DCC: variants seen among roughly 807,000 people sequenced by gnomAD.
DCC encodes netrin receptor DCC.
In DCC, 58 loss-of-function variants were observed where a neutral mutation model predicts 172.5. The observed-to-expected ratio is 0.34, with a 90% CI of 0.27 to 0.42. The LOEUF (loss-of-function observed/expected upper bound fraction) is 0.42, where lower values mean the gene tolerates loss of function less well. Among genes scored for constraint, DCC ranks in the 10% least tolerant of loss-of-function variants. The pLI, the probability that DCC is intolerant of heterozygous loss-of-function variation, is 1.00. For synonymous variants in DCC, 709 were observed against 644.5 expected (o/e 1.10, Z -1.52); for missense variants, 1,740 against 1,791.0 (o/e 0.97, Z 0.51).
At chr18:53,066,550 C>T (rs2042573691) in intron 7 of DCC, among the ~76,000 whole-genome samples, 1 of 150,066 alleles carries the variant, frequency 6.7e-6, no homozygotes, top group Non-Finnish European at 1.5e-5. Context: ...GCCTTTCTTC[C>T]CAGCATTCCA....
At chr18:53,104,990 T>C (rs1290555085) in intron 7 of DCC, among the ~76,000 whole-genome samples, 2 of 152,078 alleles carry the variant, frequency 1.3e-5, no homozygotes, top group African/African-American at 4.8e-5. Flanking sequence ...TGTGATTATG[T>C]AAATGCATTC....
chr18:53,426,799 G>T (rs2145090898), intron 21 of DCC, among the ~76,000 whole-genome samples: 1 of 152,204 alleles, frequency 6.6e-6, no homozygotes, highest in Non-Finnish European at 1.5e-5. Context: ...TTGAGTGGAT[G>T]GATGAAGCAC....
chr18:52,374,040 C>A (rs1281295633), intron 1 of DCC, among the ~76,000 whole-genome samples: 1 of 151,820 alleles, frequency 6.6e-6, no homozygotes, highest in South Asian at 2.1e-4. Flanking sequence ...TACAGGCGCC[C>A]GCCACCACGC....
chr18:52,600,358 T>C (rs1420549147), intron 1 of DCC, among the ~76,000 whole-genome samples: 1 of 152,252 alleles, frequency 6.6e-6, no homozygotes, highest in Non-Finnish European at 1.5e-5. Flanking sequence ...TCCTATTGCA[T>C]TGGTCATTTG....
intron 8 of DCC, among the ~76,000 whole-genome samples, chr18:53,171,305 G>A (rs1252708397): frequency 2.0e-5 from 3 of 152,262 alleles, no homozygotes; most frequent in African/African-American, 7.2e-5. Flanking sequence ...CCACATTGTG[G>A]AAACCAGTGA....
intron 25 of DCC, among the ~76,000 whole-genome samples, chr18:53,476,753 T>G (rs2045767926): frequency 6.6e-6 from 1 of 152,190 alleles, no homozygotes; most frequent in South Asian, 2.1e-4. Context: ...ATAGGGCACA[T>G]TCTCATAATG....
chr18:52,835,026 T>C (rs1403057144), intron 2 of DCC, among the ~76,000 whole-genome samples: 1 of 152,204 alleles, frequency 6.6e-6, no homozygotes, highest in Non-Finnish European at 1.5e-5. Flanking sequence ...ATTTGCATTT[T>C]CTTAAATGTC....
At chr18:53,063,696 C>A in intron 6 of DCC, 1 of 461,700 alleles carries the variant, frequency 2.2e-6, no homozygotes, top group South Asian at 2.3e-5. Context: ...AACATACAAA[C>A]AAACAAAAAT....
At chr18:53,080,092 A>G (rs2144132094) in intron 7 of DCC, among the ~76,000 whole-genome samples, 1 of 152,216 alleles carries the variant, frequency 6.6e-6, no homozygotes, top group Non-Finnish European at 1.5e-5. Context: ...AACTAGTTGG[A>G]AAGCTGTATC....
intron 5 of DCC, among the ~76,000 whole-genome samples, chr18:53,014,004 T>C (rs184923931): frequency 7.5e-4 from 114 of 152,306 alleles, no homozygotes; most frequent in African/African-American, 2.6e-3. Context: ...GCAATATTAA[T>C]GAAATGGATA....
chr18:53,469,315 A>T (rs1464345439), intron 25 of DCC, among the ~76,000 whole-genome samples: 1 of 152,228 alleles, frequency 6.6e-6, no homozygotes, highest in African/African-American at 2.4e-5. Context: ...GGAGAAAAAC[A>T]TATAGCCTGC....
intron 1 of DCC, among the ~76,000 whole-genome samples, chr18:52,365,166 T>C (rs1439705625): frequency 6.6e-6 from 1 of 152,206 alleles, no homozygotes; most frequent in Non-Finnish European, 1.5e-5. Flanking sequence ...AGAAGATTAA[T>C]GAGATGATGA....
At chr18:52,832,613 T>G (rs1393047971) in intron 2 of DCC, among the ~76,000 whole-genome samples, 1 of 152,152 alleles carries the variant, frequency 6.6e-6, no homozygotes, top group Non-Finnish European at 1.5e-5. Flanking sequence ...ATATTAAGTT[T>G]GGTAGACTCT....
At chr18:52,787,993 A>G (rs2037690491) in intron 2 of DCC, among the ~76,000 whole-genome samples, 1 of 152,136 alleles carries the variant, frequency 6.6e-6, no homozygotes, top group Non-Finnish European at 1.5e-5. Context: ...GCCTTTTATA[A>G]CTGCTTTTGC....
chr18:53,200,708 TC>T (rs750290876), intron 9 of DCC, among the ~76,000 whole-genome samples: 2 of 152,172 alleles, frequency 1.3e-5, no homozygotes, highest in Non-Finnish European at 2.9e-5. Flanking sequence ...TGTGTGGTTG[TC>T]ATATCTGTTT....
intron 1 of DCC, among the ~76,000 whole-genome samples, chr18:52,731,209 T>C (rs1290072303): frequency 6.6e-6 from 1 of 152,202 alleles, no homozygotes; most frequent in Non-Finnish European, 1.5e-5. Flanking sequence ...CACTGTGTAA[T>C]TAATGTTTCA....
At chr18:52,896,216 A>G (rs1341594038) in intron 2 of DCC, among the ~76,000 whole-genome samples, 1 of 152,158 alleles carries the variant, frequency 6.6e-6, no homozygotes. Context: ...GTCCTATCTC[A>G]TTTTTGTTAT....
chr18:52,584,563 G>A (rs557993873), intron 1 of DCC, among the ~76,000 whole-genome samples: 24 of 152,180 alleles, frequency 1.6e-4, no homozygotes, highest in Admixed American at 1.3e-3. Context: ...TACCTCTGTC[G>A]ATGGACAACT....
At chr18:52,846,100 T>C (rs1353100629) in intron 2 of DCC, among the ~76,000 whole-genome samples, 3 of 152,226 alleles carry the variant, frequency 2.0e-5, no homozygotes, top group African/African-American at 7.2e-5. Flanking sequence ...AAGGATTTCA[T>C]TGATTTCCAG....
Sources: gnomAD v4.1 joint callset for allele counts (sites outside exome capture counted in the v4.1 genomes callset) on GRCh38, gnomAD v4.1.1 for gene constraint, MANE v1.5 for transcripts, NCBI Gene and HGNC (gene_info 2026-07-23, HGNC 2026-07-21) for gene names.